TENM3: variants seen among roughly 807,000 people sequenced by gnomAD.
The protein encoded by TENM3 is teneurin-3.
Under a neutral mutation model 255.1 loss-of-function variants are expected in TENM3, and 63 were observed. The ratio of observed to expected loss-of-function variants is 0.25; its 90% CI spans 0.20 to 0.30. The LOEUF is 0.30. Ranked by LOEUF, TENM3 falls within the 10% of genes least tolerant of loss-of-function variation. The pLI is 1.00. For synonymous variants in TENM3, 1,306 were observed against 1,322.3 expected (o/e 0.99, Z 0.27); for missense variants, 2,929 against 3,461.1 (o/e 0.85, Z 3.86).
At chr4:182,481,856 A>G (rs1330076779) in intron 3 of TENM3, among the ~76,000 whole-genome samples, 2 of 152,196 alleles carry the variant, frequency 1.3e-5, no homozygotes, top group African/African-American at 2.4e-5. Flanking sequence ...ACTTCTAACA[A>G]TAACTTAATG....
chr4:182,033,773 C>A, the TENM3 span, among the ~76,000 whole-genome samples: 2 of 152,136 alleles, frequency 1.3e-5, no homozygotes, highest in African/African-American at 2.4e-5. Context: ...TGCATTGAAC[C>A]TTTTACCATT....
intron 2 of TENM3, among the ~76,000 whole-genome samples, chr4:182,328,553 CTA>C (rs10564448): frequency 0.52 from 78,604 of 151,660 alleles, 21,148 homozygotes; most frequent in Admixed American, 0.65. Flanking sequence ...ACCGTGATAT[CTA>C]TGTTTGTACG....
rs1271215743 is a variant in TENM3 at position 182,460,433 on chromosome 4, GA to G, written c.511+113508del. Among the ~76,000 whole-genome samples the G allele has an allele frequency of 3.9e-5, 6 of 152,132 alleles. No individual in the cohort carries two copies. The East Asian group carries it at 1.2e-3, about 29-fold the overall frequency. On this transcript the variant is annotated intron_variant, in intron 3 of 27. Transcript: ENST00000511685. ...AAATAAACCTGCTTCTATCATGGGG[GA>G]AAACATTTGGGGTGGCAAGCTGAAG...
chr4:182,426,759 T>C (rs116256035), intron 3 of TENM3, among the ~76,000 whole-genome samples: 45 of 152,304 alleles, frequency 3.0e-4, no homozygotes, highest in Non-Finnish European at 6.0e-4. Context: ...TTTTTAAATT[T>C]GATGTGATTC....
intron 3 of TENM3, among the ~76,000 whole-genome samples, chr4:182,513,246 G>T (rs978268778): frequency 2.0e-5 from 3 of 151,978 alleles, no homozygotes; most frequent in African/African-American, 7.2e-5. Flanking sequence ...AACCATATTC[G>T]TACGGTGAAA....
chr4:182,555,684 T>G (rs1197028344), intron 3 of TENM3, among the ~76,000 whole-genome samples: 1 of 152,226 alleles, frequency 6.6e-6, no homozygotes, highest in African/African-American at 2.4e-5. Flanking sequence ...CATATTAACT[T>G]AAATGCATTT....
chr4:181,450,626 C>T, the TENM3 span, among the ~76,000 whole-genome samples: 2 of 152,174 alleles, frequency 1.3e-5, no homozygotes, highest in African/African-American at 4.8e-5. Context: ...GTTCAGATGA[C>T]ACCAGTTTCT....
chr4:182,070,547 G>T, the TENM3 span, among the ~76,000 whole-genome samples: 2 of 152,174 alleles, frequency 1.3e-5, no homozygotes, highest in Non-Finnish European at 2.9e-5. Context: ...AACCTGGGAG[G>T]TGGAGGATGC....
intron 7 of TENM3, among the ~76,000 whole-genome samples, chr4:182,677,452 C>G (rs2309762): frequency 0.99 from 151,019 of 152,344 alleles, 74,859 homozygotes; most frequent in East Asian, 1. Flanking sequence ...TTATATGCTT[C>G]GGTCATAAAA....
chr4:181,832,876 A>T, the TENM3 span, among the ~76,000 whole-genome samples: 1 of 152,158 alleles, frequency 6.6e-6, no homozygotes, highest in African/African-American at 2.4e-5. Flanking sequence ...TGGATAACCA[A>T]CAACATTCAC....
At chr4:181,874,493 T>A in the TENM3 span, 1 of 152,256 alleles carries the variant, frequency 6.6e-6, no homozygotes, top group Non-Finnish European at 1.5e-5. Flanking sequence ...CGATAAAATG[T>A]CTCTCTTTCA....
chr4:182,137,474 AG>A, the TENM3 span, among the ~76,000 whole-genome samples: 2 of 152,220 alleles, frequency 1.3e-5, no homozygotes, highest in African/African-American at 4.8e-5. Flanking sequence ...TGATCTGCTA[AG>A]GATAATACAG....
At chr4:182,261,808 G>A (rs1029917538) in intron 1 of TENM3, among the ~76,000 whole-genome samples, 1 of 152,130 alleles carries the variant, frequency 6.6e-6, no homozygotes, top group Non-Finnish European at 1.5e-5. Flanking sequence ...ATATTACGTC[G>A]TCTATGCAGT....
Position 182,510,891 on chromosome 4 carries a change from A to C in TENM3, c.512-90033A>C, listed in dbSNP as rs1167815324. Among the ~76,000 whole-genome samples the C allele has an allele frequency of 2.0e-5, 3 of 152,328 alleles. No homozygotes were observed. In the East Asian group the frequency reaches 5.8e-4, roughly 29 times the overall value. ...CCCTTGCTGGCCTTGCCAAAAATGT[A>C]AGTCCCTGACTGCTCTTTACCCAGG... On this transcript the variant is annotated intron_variant, in intron 3 of 27. Coordinates refer to ENST00000511685, the MANE Select transcript of TENM3 (RefSeq NM_001080477.4).
chr4:181,922,628 C>T, the TENM3 span, among the ~76,000 whole-genome samples: 1 of 151,994 alleles, frequency 6.6e-6, no homozygotes, highest in Middle Eastern at 3.2e-3. Flanking sequence ...TCTCTCTTTT[C>T]TTCTTTATTA....
At chr4:182,230,582 A>T (rs529369768) in intron 1 of TENM3, among the ~76,000 whole-genome samples, 1 of 151,736 alleles carries the variant, frequency 6.6e-6, no homozygotes, top group Non-Finnish European at 1.5e-5. Flanking sequence ...GGAAGGAAAG[A>T]TGGTCTGTGC....
chr4:182,497,880 A>C (rs1333232647), intron 3 of TENM3, among the ~76,000 whole-genome samples: 3 of 146,416 alleles, frequency 2.0e-5, no homozygotes, highest in Non-Finnish European at 4.5e-5. Flanking sequence ...ATATATATAT[A>C]TATCTCAACC....
the TENM3 span, among the ~76,000 whole-genome samples, chr4:181,911,814 G>A: frequency 1.6e-4 from 25 of 152,242 alleles, 1 homozygote; most frequent in South Asian, 5.0e-3. Flanking sequence ...AAGGTAATGA[G>A]CCATTAAAAT....
chr4:182,751,818 A>T lies in TENM3; in HGVS notation c.3648A>T (p.Arg1216Ser). 6.2e-7 allele frequency: 1 copy of T among 1,613,832 alleles called. No homozygotes were observed. ...VLELSSNPAHRYYLATDPVTG... is the reference protein window; with the variant it reads ...VLELSSNPAHSYYLATDPVTG... ...TTCACAGCAGCAACCCAGCTCATAG[A>T]TACTACCTTGCAACGGATCCAGTCA... The change falls in exon 20 of 28, where the codon AGA becomes AGT. Residue 1216 changes from arginine (R) to serine (S), a missense_variant. By Grantham distance (110) the Arg-to-Ser change is moderately radical. This residue lies in a region of TENM3 where 1,608 missense variants were observed against 1,884.4 expected (regional missense o/e 0.85). Transcript: ENST00000511685.
Sources: allele counts gnomAD v4.1 joint callset (sites outside exome capture counted in the v4.1 genomes callset), GRCh38; gene constraint gnomAD v4.1.1; regional missense constraint gnomAD v4.1.1; transcripts MANE v1.5; gene names NCBI Gene and HGNC (gene_info 2026-07-23, HGNC 2026-07-21).